GRIP1: variants seen among roughly 807,000 people sequenced by gnomAD.
GRIP1 encodes glutamate receptor-interacting protein 1.
In GRIP1, 45 loss-of-function variants were observed where a neutral mutation model predicts 129.9. That is an observed-to-expected ratio of 0.35 (90% CI 0.27 to 0.44). The LOEUF is 0.44. Ranked by LOEUF, GRIP1 falls within the 20% of genes least tolerant of loss-of-function variation. The probability of loss-of-function intolerance (pLI) is 1.00; values close to 1 mark genes in which losing one functional copy is unlikely to be tolerated. For missense variants in GRIP1, 1,196 were observed against 1,396.8 expected (o/e 0.86, Z 2.29); for synonymous variants, 530 against 520.8 (o/e 1.02, Z -0.24).
At chr12:67,052,151 T>G (rs2043356686) in intron 1 of GRIP1, among the ~76,000 whole-genome samples, 2 of 152,238 alleles carry the variant, frequency 1.3e-5, no homozygotes, top group South Asian at 4.1e-4. Flanking sequence ...CTGGGTTATA[T>G]TCATAATCAT....
chr12:66,529,221 A>G (rs1039026659), intron 5 of GRIP1, among the ~76,000 whole-genome samples: 1 of 152,230 alleles, frequency 6.6e-6, no homozygotes. Context: ...CCACTATAGA[A>G]AACAGTGTGG....
chr12:66,602,645 A>G (rs983833450), intron 1 of GRIP1, among the ~76,000 whole-genome samples: 19 of 152,108 alleles, frequency 1.2e-4, no homozygotes, highest in African/African-American at 4.1e-4. Flanking sequence ...CTTGATGGCA[A>G]GAAGCAGAGG....
In GRIP1 at chr12:66,410,642, A is replaced by AAAACAAAC. The variant is rs377000515; in HGVS notation, c.1839-4222_1839-4215dup. ...GGGCATCAGAGTGAGACTCTGTCTC[A>AAAACAAAC]AAACAAACAAACAAACAAACAAACA... On this transcript the variant is annotated intron_variant, in intron 15 of 24. Coordinates refer to ENST00000359742, the MANE Select transcript of GRIP1 (RefSeq NM_001366722.1). Among the ~76,000 whole-genome samples, 136 of 116,012 alleles carry AAAACAAAC rather than the reference A, an allele frequency of 1.2e-3. 1 individual carries two copies. Among genetic ancestry groups the AAAACAAAC allele is most frequent in the African/African-American group, 3.2e-3 (127 of 40,168 alleles). The allele number at this position is 116,012 out of a possible 152,430, so 76.1% of individuals were successfully genotyped here. A position where few individuals can be genotyped will look rare whatever the true frequency, so the allele number is the denominator to read the frequency against.
At chr12:66,466,298 T>C (rs1431622009) in intron 7 of GRIP1, among the ~76,000 whole-genome samples, 1 of 152,226 alleles carries the variant, frequency 6.6e-6, no homozygotes, top group African/African-American at 2.4e-5. Flanking sequence ...TGCCAGATTG[T>C]AAACATGCTT....
At chr12:66,539,628 C>T (rs552568409) in intron 3 of GRIP1, among the ~76,000 whole-genome samples, 1 of 132,168 alleles carries the variant, frequency 7.6e-6, no homozygotes, top group South Asian at 2.7e-4. Flanking sequence ...CTAGACACAA[C>T]ACATGTCTTT....
chr12:66,524,081 G>C (rs2139020948), intron 5 of GRIP1, among the ~76,000 whole-genome samples: 1 of 152,238 alleles, frequency 6.6e-6, no homozygotes, highest in African/African-American at 2.4e-5. Flanking sequence ...ATAATAATGG[G>C]AGACTTAACA....
chr12:66,509,935 G>C (rs2060647337), intron 7 of GRIP1, among the ~76,000 whole-genome samples: 1 of 151,696 alleles, frequency 6.6e-6, no homozygotes, highest in South Asian at 2.1e-4. Context: ...TCCTGCACAT[G>C]TACCCCTGAA....
intron 1 of GRIP1, among the ~76,000 whole-genome samples, chr12:66,775,934 G>T (rs1168242281): frequency 6.6e-6 from 1 of 152,124 alleles, no homozygotes; most frequent in Non-Finnish European, 1.5e-5. Flanking sequence ...CAAGGAGGAG[G>T]GAGACACAGT....
chr12:66,576,311 A>G (rs765094915), intron 2 of GRIP1, among the ~76,000 whole-genome samples: 7 of 152,248 alleles, frequency 4.6e-5, no homozygotes, highest in Non-Finnish European at 7.3e-5. Flanking sequence ...ATCAGCATGC[A>G]TGGGTAAAAG....
At chr12:66,705,626 G>A (rs2035501707) in intron 1 of GRIP1, among the ~76,000 whole-genome samples, 1 of 152,066 alleles carries the variant, frequency 6.6e-6, no homozygotes, top group African/African-American at 2.4e-5. Context: ...GAACAAAGCT[G>A]GAGGCATCAT....
chr12:67,050,303 G>A (rs565577495), intron 1 of GRIP1, among the ~76,000 whole-genome samples: 15 of 151,986 alleles, frequency 9.9e-5, no homozygotes, highest in South Asian at 2.1e-4. Flanking sequence ...ATTATTTGGA[G>A]TGGAAAGAAA....
intron 1 of GRIP1, among the ~76,000 whole-genome samples, chr12:66,959,404 G>T (rs1196407417): frequency 1.3e-5 from 2 of 152,078 alleles, no homozygotes; most frequent in East Asian, 3.8e-4. Flanking sequence ...AAAAAAGCGG[G>T]TGATGTATTA....
chr12:67,013,582 T>C (rs2042740614), intron 1 of GRIP1, among the ~76,000 whole-genome samples: 1 of 152,186 alleles, frequency 6.6e-6, no homozygotes, highest in African/African-American at 2.4e-5. Flanking sequence ...GCACATTCAT[T>C]ACAGGAGGGC....
chr12:67,043,127 G>A (rs2043203726), intron 1 of GRIP1, among the ~76,000 whole-genome samples: 1 of 152,186 alleles, frequency 6.6e-6, no homozygotes, highest in South Asian at 2.1e-4. Flanking sequence ...GGGACTGCAG[G>A]CGAGAGTGAG....
At chr12:66,619,607 A>C (rs1393867175) in intron 1 of GRIP1, among the ~76,000 whole-genome samples, 1 of 152,174 alleles carries the variant, frequency 6.6e-6, no homozygotes, top group Non-Finnish European at 1.5e-5. Flanking sequence ...TGAACATGGA[A>C]ATAAAATCAA....
At chr12:66,742,379 A>G (rs2036814179) in intron 1 of GRIP1, among the ~76,000 whole-genome samples, 1 of 152,154 alleles carries the variant, frequency 6.6e-6, no homozygotes, top group African/African-American at 2.4e-5. Context: ...TCTTCAAGGA[A>G]CCAGTATAAA....
At chr12:66,458,932 T>A (rs1177621232) in intron 9 of GRIP1, among the ~76,000 whole-genome samples, 1 of 152,252 alleles carries the variant, frequency 6.6e-6, no homozygotes, top group African/African-American at 2.4e-5. Flanking sequence ...AGAGAAGTTG[T>A]TGCTGATCTC....
At chr12:66,877,870 T>A (rs1347566258) in intron 1 of GRIP1, among the ~76,000 whole-genome samples, 1 of 151,970 alleles carries the variant, frequency 6.6e-6, no homozygotes, top group Non-Finnish European at 1.5e-5. Flanking sequence ...AAACAATGGA[T>A]GGAAAATGAA....
chr12:66,629,785 T>C (rs1374127216), intron 1 of GRIP1, among the ~76,000 whole-genome samples: 3 of 152,230 alleles, frequency 2.0e-5, no homozygotes, highest in African/African-American at 7.2e-5. Flanking sequence ...TTTGAAAGAA[T>C]ACTAACCCAT....
Sources: gnomAD v4.1 joint callset for allele counts (sites outside exome capture counted in the v4.1 genomes callset) on GRCh38, gnomAD v4.1.1 for gene constraint, MANE v1.5 for transcripts, NCBI Gene and HGNC (gene_info 2026-07-23, HGNC 2026-07-21) for gene names.